The following LRP1B variants were observed in gnomAD, a reference collection of about 807,000 sequenced individuals.
LRP1B encodes the protein low-density lipoprotein receptor-related protein 1B.
Under a neutral mutation model 556.6 loss-of-function variants are expected in LRP1B, and 217 were observed. The observed-to-expected ratio is 0.39, with a 90% confidence interval of 0.35 to 0.44. The LOEUF is 0.44. Among genes scored for constraint, LRP1B ranks in the 20% least tolerant of loss-of-function variants. The probability of loss-of-function intolerance (pLI) is 1.00; values close to 1 mark genes in which losing one functional copy is unlikely to be tolerated. For synonymous variants in LRP1B, 2,047 were observed against 1,865.8 expected (o/e 1.10, Z -2.50); for missense variants, 5,053 against 5,620.8 (o/e 0.90, Z 3.23).
At chr2:140,447,232 A>G (rs1686700340) in intron 63 of LRP1B, among the ~76,000 whole-genome samples, 1 of 152,164 alleles carries the variant, frequency 6.6e-6, no homozygotes. Context: ...TAGTACAGCT[A>G]TTTTGGGTAA....
rs375710383 is a variant in LRP1B, at chr2:140,950,203, A to G, written c.3136+32T>C. On this transcript the variant is annotated intron_variant, in intron 20 of 90. Coordinates refer to ENST00000389484, the MANE Select transcript of LRP1B (RefSeq NM_018557.3). Reference sequence around the variant, plus strand: ...GTATTATTATGCATCAACTTTTAAAATGAGATTTCATTAATTTATAAAATT... The same window carrying G: ...GTATTATTATGCATCAACTTTTAAAGTGAGATTTCATTAATTTATAAAATT... The G allele has an allele frequency of 6.4e-5, 94 of 1,459,784 alleles. No individual in the cohort carries two copies. The African/African-American group carries it at 1.1e-3, about 17-fold the overall frequency. 90.4% of individuals were successfully genotyped at this position (1,459,784 alleles called of 1,614,324 possible).
intron 76 of LRP1B, 86 bp downstream of exon 76, chr2:140,352,867 G>T: frequency 7.7e-7 from 1 of 1,304,110 alleles, no homozygotes; most frequent in Non-Finnish European, 1.1e-6. Context: ...TGAAGCTGTT[G>T]CTGGAATGAA....
chr2:140,903,323 A>G (rs1226090598), intron 22 of LRP1B, among the ~76,000 whole-genome samples, 158 bp from the exon 23 acceptor site: 1 of 152,162 alleles, frequency 6.6e-6, no homozygotes, highest in Non-Finnish European at 1.5e-5. Flanking sequence ...AGGGGTTGGT[A>G]TAGAAATGAT....
At chr2:140,943,265 G>A (rs552251433) in intron 20 of LRP1B, among the ~76,000 whole-genome samples, 1 of 151,776 alleles carries the variant, frequency 6.6e-6, no homozygotes, top group Non-Finnish European at 1.5e-5. Flanking sequence ...CCAACATTAG[G>A]GCACCCAATT....
chr2:141,304,937 T>C (rs1686531592), intron 3 of LRP1B, among the ~76,000 whole-genome samples: 1 of 152,192 alleles, frequency 6.6e-6, no homozygotes, highest in African/African-American at 2.4e-5. Context: ...ATTTCTGGGT[T>C]CTCTATTCTG....
intron 2 of LRP1B, among the ~76,000 whole-genome samples, chr2:141,626,824 A>C (rs938324856): frequency 6.6e-6 from 1 of 152,220 alleles, no homozygotes; most frequent in Non-Finnish European, 1.5e-5. Context: ...ATGCGGAGCA[A>C]TGATTGAGAA....
chr2:140,666,124 G>T (rs1685260973), intron 41 of LRP1B, among the ~76,000 whole-genome samples: 1 of 151,914 alleles, frequency 6.6e-6, no homozygotes, highest in South Asian at 2.1e-4. Context: ...CTCCCGAGTA[G>T]TTGGGACTAC....
intron 25 of LRP1B, among the ~76,000 whole-genome samples, chr2:140,877,205 G>C (rs76458822): frequency 6.6e-6 from 1 of 152,054 alleles, no homozygotes; most frequent in Non-Finnish European, 1.5e-5. Flanking sequence ...ATATATAAAC[G>C]ACTTTCGAAG....
chr2:140,420,550 A>G (rs1464521038), intron 66 of LRP1B, among the ~76,000 whole-genome samples: 1 of 152,266 alleles, frequency 6.6e-6, no homozygotes, highest in Non-Finnish European at 1.5e-5. Context: ...ACAAGGACTA[A>G]TACATGAATG....
At chr2:141,849,183 G>T (rs1342426501) in intron 1 of LRP1B, among the ~76,000 whole-genome samples, 4 of 151,472 alleles carry the variant, frequency 2.6e-5, no homozygotes, top group Non-Finnish European at 4.4e-5. Context: ...TGCATCTAAT[G>T]CTTAACTAAA....
At chr2:141,556,394 T>C (rs1213568010) in intron 2 of LRP1B, among the ~76,000 whole-genome samples, 2 of 151,946 alleles carry the variant, frequency 1.3e-5, no homozygotes, top group Non-Finnish European at 2.9e-5. Flanking sequence ...CCACTGTTAG[T>C]GAAATTTAAT....
intron 7 of LRP1B, among the ~76,000 whole-genome samples, chr2:141,131,518 ACT>A (rs888818255): frequency 6.7e-6 from 1 of 150,090 alleles, no homozygotes; most frequent in African/African-American, 2.5e-5. Flanking sequence ...AATAAATGAT[ACT>A]CTCTTTTTTC....
intron 15 of LRP1B, among the ~76,000 whole-genome samples, chr2:141,002,014 A>C (rs1013357932): frequency 2.6e-5 from 4 of 152,114 alleles, no homozygotes; most frequent in Non-Finnish European, 5.9e-5. Context: ...TAAGTTGTTC[A>C]AAGTCATGCT....
In LRP1B at chr2:141,711,732, C is replaced by T. The variant is rs1409662934; in HGVS notation, c.205+98547G>A. On this transcript the variant is annotated intron_variant, in intron 2 of 90. Transcript: ENST00000389484. ...TACTCTCAGGCACTAAAGTCCTACT[C>T]ACAGTTTTCTGATTTCCCTTTGGAT... 2.0e-5 allele frequency among the ~76,000 whole-genome samples: 3 copies of T among 152,266 alleles called. No individual in the cohort carries two copies. In the East Asian group the frequency reaches 5.8e-4, roughly 29 times the overall value.
intron 18 of LRP1B, among the ~76,000 whole-genome samples, chr2:140,957,223 T>G (rs1032813599): frequency 6.6e-6 from 1 of 151,658 alleles, no homozygotes; most frequent in Non-Finnish European, 1.5e-5. Flanking sequence ...AAAACTGATA[T>G]GAATAATATG....
chr2:140,347,398 TATA>T (rs1681738902), intron 77 of LRP1B, among the ~76,000 whole-genome samples: 3 of 151,712 alleles, frequency 2.0e-5, no homozygotes, highest in Admixed American at 6.6e-5. Flanking sequence ...AATTTAAATT[TATA>T]ATAATTATTA....
Position 140,511,689 on chromosome 2 carries a change from T to TC in LRP1B, c.8270-1634dup, listed in dbSNP as rs11342810. 5.3e-5 allele frequency among the ~76,000 whole-genome samples: 8 copies of TC among 151,864 alleles called. No individual in the cohort carries two copies. In the East Asian group the frequency reaches 5.8e-4, roughly 11 times the overall value. On this transcript the variant is annotated intron_variant, in intron 51 of 90. Coordinates refer to ENST00000389484, the MANE Select transcript of LRP1B (RefSeq NM_018557.3). ...AGGATGAAGAGTGGATGTTGACAAATCCCCCCCGTAATCTAGACTTGCTTA... is the reference window on the plus strand; with the variant it reads ...AGGATGAAGAGTGGATGTTGACAAATCCCCCCCCGTAATCTAGACTTGCTTA...
chr2:140,485,191 T>C (rs1001240330), intron 59 of LRP1B, 152 bp downstream of exon 59: 6 of 484,988 alleles, frequency 1.2e-5, no homozygotes, highest in African/African-American at 1.2e-4. Flanking sequence ...ATTGTGATAA[T>C]CACATTACTG....
chr2:141,363,452 C>CA lies in LRP1B; in HGVS notation c.344-108812dup, dbSNP rs200415965. 2.6e-3 allele frequency among the ~76,000 whole-genome samples: 393 copies of CA among 152,064 alleles called. 1 individual carries two copies. Among genetic ancestry groups the CA allele is most frequent in the African/African-American group, 9.0e-3 (373 of 41,494 alleles). ...TAGAACATTCTGTTCCTGTGTTTTT[C>CA]AAAAATGTCTCTTATTTTCGTTACT... On this transcript the variant is annotated intron_variant, in intron 3 of 90. Transcript: ENST00000389484.
Sources: gnomAD v4.1 joint callset for allele counts (sites outside exome capture counted in the v4.1 genomes callset) on GRCh38, gnomAD v4.1.1 for gene constraint, MANE v1.5 for transcripts, NCBI Gene and HGNC (gene_info 2026-07-23, HGNC 2026-07-21) for gene names.